The following RMND5A variants were observed in gnomAD, a reference collection of about 807,000 sequenced individuals.
RMND5A encodes the protein required for meiotic nuclear division 5 homolog A.
In RMND5A, 17 loss-of-function variants were observed where a neutral mutation model predicts 49.7. The ratio of observed to expected loss-of-function variants is 0.34; its 90% CI spans 0.23 to 0.51. RMND5A has a LOEUF of 0.51. Among genes scored for constraint, RMND5A ranks in the 20% least tolerant of loss-of-function variants. RMND5A has a pLI of 0.96. For missense variants in RMND5A, 255 were observed against 471.3 expected, an observed-to-expected ratio of 0.54 and a Z score of 4.25; for synonymous variants, 156 against 167.7, an observed-to-expected ratio of 0.93 and a Z score of 0.54.
chr2:86,746,135 T>C (rs1681534545), intron 2 of RMND5A, among the ~76,000 whole-genome samples: 1 of 152,128 alleles, frequency 6.6e-6, no homozygotes. Flanking sequence ...AGAACTGCCT[T>C]TTATGTTGGT....
chr2:86,745,705 T>A (rs1681525108), intron 2 of RMND5A, among the ~76,000 whole-genome samples: 1 of 152,254 alleles, frequency 6.6e-6, no homozygotes, highest in Non-Finnish European at 1.5e-5. Flanking sequence ...AGCTATCACA[T>A]ATTGAGTGTT....
intron 2 of RMND5A, among the ~76,000 whole-genome samples, chr2:86,743,010 G>A (rs1558720368): frequency 6.6e-6 from 1 of 152,140 alleles, no homozygotes; most frequent in Non-Finnish European, 1.5e-5. Flanking sequence ...GACCATATAT[G>A]CCATGTATGT....
chr2:86,773,264 T>G (rs67856656), intron 8 of RMND5A, 84 bp from the exon 9 acceptor site: 80,109 of 724,074 alleles, frequency 0.11, 4,887 homozygotes, highest in African/African-American at 0.14. Context: ...GTATAATTGT[T>G]AAAGATACTC....
intron 1 of RMND5A, 61 bp downstream of exon 1, chr2:86,720,870 C>T (rs1437944849): frequency 4.1e-6 from 6 of 1,462,262 alleles, no homozygotes; most frequent in Non-Finnish European, 3.6e-6. Flanking sequence ...GGTCCCGGCC[C>T]CGCGGCGGGA....
chr2:86,749,034 A>G (rs1267215029), intron 2 of RMND5A, among the ~76,000 whole-genome samples: 1 of 152,138 alleles, frequency 6.6e-6, no homozygotes, highest in Non-Finnish European at 1.5e-5. Flanking sequence ...GTTTGTAATA[A>G]ACTCATCTTC....
intron 6 of RMND5A, among the ~76,000 whole-genome samples, chr2:86,766,973 A>G (rs1672609203): frequency 6.6e-6 from 1 of 152,226 alleles, no homozygotes; most frequent in South Asian, 2.1e-4. Context: ...ATGTCAAAGT[A>G]TGGTAATTGT....
intron 7 of RMND5A, 57 bp from the exon 8 acceptor site, chr2:86,771,501 G>T: frequency 6.7e-7 from 1 of 1,494,336 alleles, no homozygotes; most frequent in South Asian, 1.2e-5. Context: ...ATTACCATGT[G>T]GATGGTTTTG....
chr2:86,756,033 A>G (rs1681731178), intron 4 of RMND5A, among the ~76,000 whole-genome samples: 1 of 152,180 alleles, frequency 6.6e-6, no homozygotes, highest in Non-Finnish European at 1.5e-5. Context: ...TCAAAAGATT[A>G]TATGAGAAAT....
chr2:86,764,375 A>G (rs1672556408), intron 4 of RMND5A, among the ~76,000 whole-genome samples: 1 of 152,212 alleles, frequency 6.6e-6, no homozygotes, highest in African/African-American at 2.4e-5. Context: ...TTCCAGTTCA[A>G]GATTGATTAT....
chr2:86,761,846 A>G (rs1322182547), intron 4 of RMND5A, among the ~76,000 whole-genome samples: 1 of 152,138 alleles, frequency 6.6e-6, no homozygotes, highest in African/African-American at 2.4e-5. Flanking sequence ...TTCTTATTTC[A>G]TAGCCTTGTT....
At chr2:86,764,325 C>CTA in intron 4 of RMND5A, among the ~76,000 whole-genome samples, 1 of 152,258 alleles carries the variant, frequency 6.6e-6, no homozygotes, top group South Asian at 2.1e-4. Flanking sequence ...TAACAGCTGG[C>CTA]TATATACTTT....
chr2:86,765,856 T>C lies in RMND5A; in HGVS notation c.689-3T>C, dbSNP rs79787254. On this transcript the variant is annotated splice_polypyrimidine_tract_variant and splice_region_variant and intron_variant, in intron 5 of 8. Coordinates refer to ENST00000283632, the MANE Select transcript of RMND5A (RefSeq NM_022780.4). ...AATGCTTTCTTGCTGGTGCTTTTTT[T>C]AGACATTCAGGTTTTGATGGGAAGC... is the stretch of plus-strand genomic sequence containing the variant. 2 of 1,612,312 alleles carry C rather than the reference T, an allele frequency of 1.2e-6. No homozygotes were observed. The highest frequency in any genetic ancestry group is 1.7e-6 in the Non-Finnish European group (2 of 1,179,300).
intron 1 of RMND5A, among the ~76,000 whole-genome samples, chr2:86,726,957 A>G (rs866859461): frequency 0.036 from 2,115 of 59,412 alleles, 758 homozygotes; most frequent in African/African-American, 0.14. Flanking sequence ...ATTTTGTTGG[A>G]GATACTCCAG....
rs1444431206 is a variant in RMND5A at position 86,776,309 on chromosome 2, C to T, written c.*2898C>T. ...ATACATAAATGAACGGGTATTGGTG[C>T]CTCTTTATTTTAAAAAATTTGAAGA... is the stretch of plus-strand genomic sequence containing the variant. On this transcript the variant is annotated 3_prime_UTR_variant, in exon 9 of 9. Coordinates refer to ENST00000283632, the MANE Select transcript of RMND5A (RefSeq NM_022780.4). 1 of 152,054 alleles carries T rather than the reference C, an allele frequency of 6.6e-6. No individual in the cohort carries two copies. Among genetic ancestry groups the T allele is most frequent in the Admixed American group, 6.5e-5 (1 of 15,272 alleles). 9.4% of individuals were successfully genotyped at this position (152,054 alleles called of 1,614,324 possible).
intron 4 of RMND5A, among the ~76,000 whole-genome samples, chr2:86,763,223 T>C (rs1213588609): frequency 6.6e-6 from 1 of 152,126 alleles, no homozygotes. Context: ...GTCTTTGACT[T>C]TACAAGCCCT....
intron 4 of RMND5A, among the ~76,000 whole-genome samples, chr2:86,755,903 G>A (rs546784521): frequency 6.6e-6 from 1 of 152,198 alleles, no homozygotes; most frequent in Middle Eastern, 3.4e-3. Context: ...GTTATTGTAT[G>A]CCTAGCATCG....
chr2:86,724,112 G>T (rs1420694885), intron 1 of RMND5A, among the ~76,000 whole-genome samples: 1 of 149,230 alleles, frequency 6.7e-6, no homozygotes, highest in Admixed American at 6.6e-5. Flanking sequence ...TTTAAATGGG[G>T]TTGGACTGGT....
At chr2:86,749,691 G>A (rs966035824) in intron 2 of RMND5A, among the ~76,000 whole-genome samples, 28 of 151,992 alleles carry the variant, frequency 1.8e-4, no homozygotes, top group African/African-American at 6.3e-4. Flanking sequence ...TGCCCACCCC[G>A]TTATTTCTAT....
In RMND5A at chr2:86,766,678, A is replaced by G. The variant is rs866910315; in HGVS notation, c.854+654A>G. ...GACTGTCTCAAAAAAAAAAAAAAAA[A>G]AAAAGAAAAGAAAAAAAGAATATTC... On this transcript the variant is annotated intron_variant, in intron 6 of 8. Transcript: ENST00000283632. 3.7e-3 allele frequency among the ~76,000 whole-genome samples: 553 copies of G among 151,218 alleles called. 2 individuals are homozygous for G. The highest frequency in any genetic ancestry group is 9.3e-3 in the African/African-American group (381 of 41,172).
Sources: allele counts gnomAD v4.1 joint callset (sites outside exome capture counted in the v4.1 genomes callset), GRCh38; gene constraint gnomAD v4.1.1; transcripts MANE v1.5; gene names NCBI Gene and HGNC (gene_info 2026-07-23, HGNC 2026-07-21).